PCDH15: variants seen among roughly 807,000 people sequenced by gnomAD.
The protein encoded by PCDH15 is protocadherin-15.
Under a neutral mutation model 178.5 loss-of-function variants are expected in PCDH15, and 129 were observed. The observed-to-expected ratio is 0.72, with a 90% CI of 0.63 to 0.84. PCDH15 has a LOEUF of 0.84. Among genes scored for constraint, PCDH15 ranks in the 40% least tolerant of loss-of-function variants. PCDH15 has a pLI of 0.00. For missense variants in PCDH15, 2,230 were observed against 2,099.9 expected (o/e 1.06, Z -1.21); for synonymous variants, 800 against 732.0 (o/e 1.09, Z -1.50).
chr10:54,708,781 T>G (rs1004004655), intron 1 of PCDH15, among the ~76,000 whole-genome samples: 7 of 143,388 alleles, frequency 4.9e-5, no homozygotes, highest in Admixed American at 2.8e-4. Context: ...CAGAATAACG[T>G]GTGTGTGTGT....
At chr10:55,089,381 G>C (rs1320320681) in intron 2 of PCDH15, among the ~76,000 whole-genome samples, 2 of 144,400 alleles carry the variant, frequency 1.4e-5, no homozygotes, top group African/African-American at 2.7e-5. Flanking sequence ...AGATAAAATC[G>C]AGCAAAAATA....
chr10:55,401,735 G>T (rs1450340223), intron 2 of PCDH15, among the ~76,000 whole-genome samples: 1 of 151,480 alleles, frequency 6.6e-6, no homozygotes, highest in Non-Finnish European at 1.5e-5. Flanking sequence ...AGTGAGATTA[G>T]AATTATTATC....
intron 25 of PCDH15, among the ~76,000 whole-genome samples, chr10:53,930,534 A>G (rs553922466): frequency 1.1e-4 from 16 of 151,722 alleles, no homozygotes; most frequent in African/African-American, 3.9e-4. Context: ...AACTAGTCCA[A>G]CAGTCCCACA....
At chr10:54,748,458 A>G (rs1480709982) in intron 1 of PCDH15, among the ~76,000 whole-genome samples, 2 of 152,180 alleles carry the variant, frequency 1.3e-5, no homozygotes, top group African/African-American at 4.8e-5. Context: ...AGTATTTAAC[A>G]AGAATCTGTT....
chr10:53,954,557 C>T (rs1249726385), intron 23 of PCDH15, among the ~76,000 whole-genome samples: 4 of 152,176 alleles, frequency 2.6e-5, no homozygotes, highest in African/African-American at 9.7e-5. Context: ...TACACTTTGC[C>T]ATTATGCTTT....
At chr10:53,888,664 GATATATATATAT>G (rs59914675) in intron 26 of PCDH15, among the ~76,000 whole-genome samples, 202 of 17,020 alleles carry the variant, frequency 0.012, 8 homozygotes, top group South Asian at 0.031. Flanking sequence ...AGTTAAGTTT[GATATATATATAT>G]ATATATATAT....
intron 2 of PCDH15, among the ~76,000 whole-genome samples, chr10:55,069,810 G>A (rs1459112046): frequency 1.3e-5 from 2 of 149,922 alleles, no homozygotes; most frequent in Non-Finnish European, 1.5e-5. Context: ...GGATGGCTGG[G>A]TCAAATGGTA....
rs538240353 is a variant in PCDH15, at chr10:54,259,005, G to A, written c.877-22074C>T. Among the ~76,000 whole-genome samples, 209 of 151,910 alleles carry A rather than the reference G, an allele frequency of 1.4e-3. 1 individual carries two copies. Among genetic ancestry groups the A allele is most frequent in the South Asian group, 0.013 (61 of 4,810 alleles). On this transcript the variant is annotated intron_variant, in intron 8 of 37. Coordinates refer to ENST00000644397, the MANE Select transcript of PCDH15 (RefSeq NM_001384140.1). The stretch of plus-strand genomic sequence containing the variant: ...CCTTTAAAACTGTCTTATTCACTTC[G>A]AATCTTATAAAATATATTCATTTAA...
At chr10:53,840,648 T>G in intron 28 of PCDH15, 152 bp from the exon 29 acceptor site, 2 of 767,634 alleles carry the variant, frequency 2.6e-6, no homozygotes, top group Non-Finnish European at 4.3e-6. Flanking sequence ...TTGAAAAACA[T>G]TCTCTATATT....
intron 1 of PCDH15, among the ~76,000 whole-genome samples, chr10:54,729,286 C>G (rs1403549038): frequency 6.6e-6 from 1 of 151,566 alleles, no homozygotes; most frequent in Non-Finnish European, 1.5e-5. Context: ...ACCATCTAAT[C>G]TGGGACAAAG....
At chr10:54,166,727 T>A (rs915837493) in intron 13 of PCDH15, among the ~76,000 whole-genome samples, 1 of 152,014 alleles carries the variant, frequency 6.6e-6, no homozygotes, top group Non-Finnish European at 1.5e-5. Context: ...TGACTTGCAC[T>A]TATACGCCCA....
At chr10:54,793,452 T>A (rs1436461052) in intron 1 of PCDH15, among the ~76,000 whole-genome samples, 2 of 151,662 alleles carry the variant, frequency 1.3e-5, no homozygotes, top group Non-Finnish European at 2.9e-5. Flanking sequence ...TTTTGAAGAC[T>A]TAGAAAAATT....
chr10:54,920,671 T>A (rs1591784464), intron 2 of PCDH15, among the ~76,000 whole-genome samples: 1 of 152,198 alleles, frequency 6.6e-6, no homozygotes, highest in East Asian at 1.9e-4. Context: ...CACAAAGCCT[T>A]CACTAACAAG....
intron 26 of PCDH15, among the ~76,000 whole-genome samples, chr10:53,893,030 A>G (rs1463400799): frequency 6.6e-6 from 1 of 152,218 alleles, no homozygotes; most frequent in South Asian, 2.1e-4. Flanking sequence ...AGAGAAAGTC[A>G]GTATACCACA....
At chr10:55,286,578 T>C (rs1276087527) in intron 1 of PCDH15, among the ~76,000 whole-genome samples, 1 of 151,860 alleles carries the variant, frequency 6.6e-6, no homozygotes, top group African/African-American at 2.4e-5. Flanking sequence ...TTGTCCTTGC[T>C]GTAGGTGCTA....
intron 32 of PCDH15, chr10:53,822,207 C>T (rs1446034733): frequency 3.1e-6 from 5 of 1,613,804 alleles, no homozygotes; most frequent in African/African-American, 1.3e-5. Context: ...TATACAGACA[C>T]ACTCTGTGGA....
intron 1 of PCDH15, among the ~76,000 whole-genome samples, chr10:55,234,367 GTT>G (rs1370901196): frequency 1.3e-5 from 2 of 151,850 alleles, no homozygotes; most frequent in Non-Finnish European, 2.9e-5. Context: ...TTTTTAATGA[GTT>G]AATATGAAAA....
At chr10:54,309,194 C>A (rs555549421) in intron 8 of PCDH15, among the ~76,000 whole-genome samples, 290 of 151,958 alleles carry the variant, frequency 1.9e-3, no homozygotes, top group South Asian at 6.2e-3. Context: ...AGAATTATAA[C>A]CTGGGACTTT....
rs555592081 is a variant in PCDH15 at position 55,596,680 on chromosome 10, G to A, written c.-156+30945C>T. On this transcript the variant is annotated intron_variant, in intron 2 of 5. Coordinates refer to the PCDH15 transcript ENST00000613346. ...TACCATTTAATGTATTTTAATGTAC[G>A]TTTTTGCCATATTTAAAAATTATAA... 6.6e-5 allele frequency among the ~76,000 whole-genome samples: 10 copies of A among 152,088 alleles called. No individual in the cohort carries two copies. The South Asian group carries it at 8.3e-4, about 13-fold the overall frequency.
Sources: gnomAD v4.1 joint callset for allele counts (sites outside exome capture counted in the v4.1 genomes callset) on GRCh38, gnomAD v4.1.1 for gene constraint, MANE v1.5 for transcripts, NCBI Gene and HGNC (gene_info 2026-07-23, HGNC 2026-07-21) for gene names.